The following MEIS1 variants were observed in gnomAD, a reference collection of about 807,000 sequenced individuals.
MEIS1 encodes the protein homeobox protein Meis1.
MEIS1 carries 5 observed loss-of-function variants against 50.8 expected under a neutral mutation model. The ratio of observed to expected loss-of-function variants is 0.10; its 90% CI spans 0.05 to 0.21. The LOEUF (loss-of-function observed/expected upper bound fraction) is 0.21. Ranked by LOEUF, MEIS1 falls within the 10% of genes least tolerant of loss-of-function variation. MEIS1 has a pLI of 1.00. For missense variants in MEIS1, 318 were observed against 517.3 expected (o/e 0.61, Z 3.74); for synonymous variants, 176 against 179.3 (o/e 0.98, Z 0.15).
chr2:66,531,701 C>A (rs1412180617), intron 8 of MEIS1, among the ~76,000 whole-genome samples: 1 of 152,190 alleles, frequency 6.6e-6, no homozygotes, highest in Non-Finnish European at 1.5e-5. Flanking sequence ...AATGATATGT[C>A]AACTTGACAG....
At chr2:66,542,676 G>A (rs1251875537) in intron 8 of MEIS1, among the ~76,000 whole-genome samples, 5 of 152,288 alleles carry the variant, frequency 3.3e-5, no homozygotes, top group African/African-American at 7.2e-5. Context: ...AAGGGGCAGT[G>A]TAGCCTTCCA....
intron 6 of MEIS1, among the ~76,000 whole-genome samples, chr2:66,450,193 T>A (rs531860578): frequency 1.2e-4 from 19 of 152,338 alleles, no homozygotes; most frequent in African/African-American, 4.1e-4. Context: ...TTTACCTTAT[T>A]TGTAATTCTC....
At chr2:66,498,512 G>A (rs1201487704) in intron 7 of MEIS1, among the ~76,000 whole-genome samples, 1 of 152,130 alleles carries the variant, frequency 6.6e-6, no homozygotes, top group Non-Finnish European at 1.5e-5. Flanking sequence ...GAGATAAAGG[G>A]GAGAGAGGCC....
intron 7 of MEIS1, among the ~76,000 whole-genome samples, chr2:66,472,856 T>G (rs1306489495): frequency 1.3e-5 from 2 of 152,100 alleles, no homozygotes; most frequent in African/African-American, 2.4e-5. Flanking sequence ...GGGTCATCAT[T>G]GTGTTCACCG....
intron 8 of MEIS1, among the ~76,000 whole-genome samples, chr2:66,513,154 AC>A (rs1171817757): frequency 6.6e-6 from 1 of 152,238 alleles, no homozygotes; most frequent in East Asian, 1.9e-4. Context: ...TTAAAAATCA[AC>A]AAAATTGTTG....
chr2:66,445,835 TC>T, intron 6 of MEIS1, among the ~76,000 whole-genome samples: 1 of 152,088 alleles, frequency 6.6e-6, no homozygotes, highest in East Asian at 1.9e-4. Context: ...CTTTCTTCTC[TC>T]TTTCCTATTT....
intron 7 of MEIS1, among the ~76,000 whole-genome samples, chr2:66,499,538 G>A (rs1255821113): frequency 6.6e-6 from 1 of 151,974 alleles, no homozygotes; most frequent in East Asian, 1.9e-4. Context: ...ATCAGTGAGG[G>A]ATGAACAGGA....
intron 6 of MEIS1, among the ~76,000 whole-genome samples, chr2:66,448,135 A>T (rs1429720952): frequency 6.6e-6 from 1 of 152,176 alleles, no homozygotes; most frequent in East Asian, 1.9e-4. Flanking sequence ...GAGGAAGAAG[A>T]GAAGAGAAGG....
intron 7 of MEIS1, among the ~76,000 whole-genome samples, chr2:66,473,848 C>G (rs888442819): frequency 3.3e-5 from 5 of 152,038 alleles, no homozygotes; most frequent in African/African-American, 1.2e-4. Flanking sequence ...GGATTGGTTC[C>G]AGGACCCTCT....
intron 7 of MEIS1, among the ~76,000 whole-genome samples, chr2:66,509,754 C>T (rs905635439): frequency 6.6e-6 from 1 of 152,174 alleles, no homozygotes; most frequent in Non-Finnish European, 1.5e-5. Context: ...ATTCAGGTGC[C>T]CTCAAGGCAC....
chr2:66,474,276 G>A (rs1672837713), intron 7 of MEIS1, among the ~76,000 whole-genome samples: 1 of 152,158 alleles, frequency 6.6e-6, no homozygotes, highest in African/African-American at 2.4e-5. Flanking sequence ...GATGCCAGGA[G>A]CAGCATCTGA....
Position 66,516,302 on chromosome 2 carries a change from T to A in MEIS1, c.888+4008T>A, listed in dbSNP as rs560764870. ...GGATAAGGGAGGGAGGTAGAAAGCA[T>A]ACCTACAGATTCAGGTGAAGCAAGC... is the stretch of plus-strand genomic sequence containing the variant. On this transcript the variant is annotated intron_variant, in intron 8 of 12. Transcript: ENST00000272369. Among the ~76,000 whole-genome samples, 138 of 152,234 alleles carry A rather than the reference T, an allele frequency of 9.1e-4. 1 individual carries two copies. Among genetic ancestry groups the A allele is most frequent in the African/African-American group, 3.1e-3 (127 of 41,542 alleles).
chr2:66,439,295 G>A, intron 2 of MEIS1: 6 of 1,106,714 alleles, frequency 5.4e-6, no homozygotes, highest in Non-Finnish European at 6.6e-6. Context: ...CGAGGGCCTT[G>A]GGGTTGGGAT....
At chr2:66,514,607 T>G (rs1673916028) in intron 8 of MEIS1, among the ~76,000 whole-genome samples, 1 of 152,212 alleles carries the variant, frequency 6.6e-6, no homozygotes, top group Non-Finnish European at 1.5e-5. Context: ...TGGTTTCCAT[T>G]GGATATTTCT....
At chr2:66,436,335 A>C (rs1671795963) in intron 1 of MEIS1, among the ~76,000 whole-genome samples, 1 of 152,232 alleles carries the variant, frequency 6.6e-6, no homozygotes, top group Non-Finnish European at 1.5e-5. Context: ...TTTTGGTCAG[A>C]AAACATTCAT....
chr2:66,459,963 A>G (rs954028002), intron 6 of MEIS1, among the ~76,000 whole-genome samples: 7 of 152,188 alleles, frequency 4.6e-5, no homozygotes, highest in Non-Finnish European at 4.4e-5. Flanking sequence ...GGTAGCATAT[A>G]GGAAATCAAA....
chr2:66,500,615 G>A (rs1314784989), intron 7 of MEIS1, among the ~76,000 whole-genome samples: 1 of 152,072 alleles, frequency 6.6e-6, no homozygotes, highest in Non-Finnish European at 1.5e-5. Context: ...AGTAGAGGCA[G>A]AGTTTCACCA....
rs558543852 is a variant in MEIS1, at chr2:66,459,194, A to T, written c.631-4915A>T. 1.0e-3 allele frequency among the ~76,000 whole-genome samples: 154 copies of T among 152,218 alleles called. No individual in the cohort carries two copies. In the South Asian group the frequency reaches 0.013, roughly 13 times the overall value. On this transcript the variant is annotated intron_variant, in intron 6 of 12. Transcript: ENST00000272369. The stretch of plus-strand genomic sequence containing the variant: ...TGCCTTAAATAGCAAGAAGGAGATA[A>T]TCAGGGGCTGGGGTCAGGCAGGGCA...
At chr2:66,567,419 G>A in intron 9 of MEIS1, 34 bp from the exon 10 acceptor site, 5 of 1,605,210 alleles carry the variant, frequency 3.1e-6, no homozygotes, top group Non-Finnish European at 4.3e-6. Context: ...TTATTTTTAA[G>A]GAATAACGAT....
Sources: gnomAD v4.1 joint callset for allele counts (sites outside exome capture counted in the v4.1 genomes callset) on GRCh38, gnomAD v4.1.1 for gene constraint, MANE v1.5 for transcripts, NCBI Gene and HGNC (gene_info 2026-07-23, HGNC 2026-07-21) for gene names.